Variants in AK6 observed in about 807,000 individuals in gnomAD.
AK6 encodes adenylate kinase 6.
A neutral mutation model predicts 23.7 loss-of-function variants in AK6; 24 were observed. The observed-to-expected ratio is 1.01, with a 90% CI of 0.73 to 1.43. The LOEUF (loss-of-function observed/expected upper bound fraction) is 1.43, where lower values mean the gene tolerates loss of function less well. Among genes scored for constraint, AK6 ranks in the 40% most tolerant of loss-of-function variants. The pLI is 0.00. For missense variants in AK6, 191 were observed against 199.1 expected (o/e 0.96, Z 0.24); for synonymous variants, 73 against 69.8 (o/e 1.05, Z -0.23).
chr5:69,352,897 A>G (rs1761983735), intron 4 of AK6, among the ~76,000 whole-genome samples: 1 of 152,238 alleles, frequency 6.6e-6, no homozygotes, highest in East Asian at 1.9e-4. Context: ...ATTCCTAGAT[A>G]TATAAACAAG....
In AK6 at chr5:69,366,540, T is replaced by C; in HGVS notation, c.84A>G (p.Gly28=). Residue 28 remains glycine, a synonymous_variant, in exon 2 of 5, where the codon GGA becomes GGG. Transcript: ENST00000380822. ...TLGKELASKS[G]LKYINVGDLA... Reference sequence around the variant, plus strand: ...AATCACCCACATTAATGTATTTCAGTCCTGATTTTGACGCAAGTTCTTTGC... The same window carrying C: ...AATCACCCACATTAATGTATTTCAGCCCTGATTTTGACGCAAGTTCTTTGC... 1 of 1,614,068 alleles carries C rather than the reference T, an allele frequency of 6.2e-7. No individual in the cohort carries two copies. Among genetic ancestry groups the C allele is most frequent in the South Asian group, 1.1e-5 (1 of 91,088 alleles).
chr5:69,353,739 G>A (rs971456147), intron 4 of AK6, among the ~76,000 whole-genome samples: 3 of 152,072 alleles, frequency 2.0e-5, no homozygotes, highest in Non-Finnish European at 2.9e-5. Flanking sequence ...GTGGGTGAAT[G>A]TAAACTAAAT....
intron 1 of AK6, among the ~76,000 whole-genome samples, chr5:69,367,494 G>A (rs1762495183): frequency 1.7e-5 from 2 of 119,670 alleles, no homozygotes; most frequent in Admixed American, 2.0e-4. Context: ...TGGCGACAGA[G>A]ACTCCATCTC....
intron 1 of AK6, 128 bp downstream of exon 1, chr5:69,369,335 C>T: frequency 1.9e-6 from 2 of 1,046,030 alleles, no homozygotes; most frequent in Non-Finnish European, 2.6e-6. Flanking sequence ...GCGCTGACAA[C>T]CGCCTCGTGG....
chr5:69,363,369 T>C (rs1580315171), intron 2 of AK6, among the ~76,000 whole-genome samples: 2 of 152,232 alleles, frequency 1.3e-5, no homozygotes, highest in Admixed American at 6.5e-5. Flanking sequence ...AAATGTTAAA[T>C]TGAGTGAAAG....
intron 2 of AK6, among the ~76,000 whole-genome samples, chr5:69,361,176 T>C (rs1054971821): frequency 6.6e-6 from 1 of 152,086 alleles, no homozygotes; most frequent in African/African-American, 2.4e-5. Flanking sequence ...TTTTTTGAGA[T>C]GGAGTCTCAC....
chr5:69,353,165 T>A (rs1761992748), intron 4 of AK6, among the ~76,000 whole-genome samples: 1 of 152,170 alleles, frequency 6.6e-6, no homozygotes, highest in African/African-American at 2.4e-5. Context: ...CCTGTATGAT[T>A]TCATTCATAT....
chr5:69,365,081 G>T, intron 2 of AK6: 3 of 1,614,180 alleles, frequency 1.9e-6, no homozygotes, highest in Non-Finnish European at 2.5e-6. Flanking sequence ...TTTTGGACCC[G>T]ATTAATGATG....
chr5:69,361,437 A>C (rs753767169), intron 2 of AK6, among the ~76,000 whole-genome samples: 2 of 150,530 alleles, frequency 1.3e-5, no homozygotes, highest in Admixed American at 6.6e-5. Flanking sequence ...AAGACTCTTT[A>C]ATAGTTTTCT....
At chr5:69,359,292 T>A (rs1405427637) in intron 2 of AK6, among the ~76,000 whole-genome samples, 1 of 152,014 alleles carries the variant, frequency 6.6e-6, no homozygotes, top group Non-Finnish European at 1.5e-5. Flanking sequence ...TCACCCACGC[T>A]GGAGTGCAAT....
intron 2 of AK6, chr5:69,365,287 C>A: frequency 5.0e-6 from 8 of 1,614,166 alleles, no homozygotes; most frequent in Non-Finnish European, 6.8e-6. Flanking sequence ...GTAACTGAAC[C>A]AACACTTAAC....
chr5:69,353,994 C>G (rs1365466769), intron 4 of AK6, among the ~76,000 whole-genome samples: 2 of 152,066 alleles, frequency 1.3e-5, no homozygotes, highest in African/African-American at 4.8e-5. Flanking sequence ...TGGTCTCAAA[C>G]TCCTAGGCTC....
intron 2 of AK6, among the ~76,000 whole-genome samples, chr5:69,357,040 G>T (rs1208235216): frequency 6.6e-6 from 1 of 152,168 alleles, no homozygotes; most frequent in Non-Finnish European, 1.5e-5. Context: ...ATCTCTGAGA[G>T]CATGTTATAT....
At chr5:69,368,556 C>T (rs1486007308) in intron 1 of AK6, among the ~76,000 whole-genome samples, 1 of 152,112 alleles carries the variant, frequency 6.6e-6, no homozygotes, top group Non-Finnish European at 1.5e-5. Flanking sequence ...AAATTCTAAA[C>T]GTTATTTGTG....
upstream of AK6, chr5:69,369,636 C>A: frequency 6.4e-7 from 1 of 1,564,802 alleles, no homozygotes; most frequent in African/African-American, 1.4e-5. Flanking sequence ...CCCGGCGGCC[C>A]AGCCGCGGCC....
At chr5:69,367,579 CAAGAT>C (rs1003772324) in intron 1 of AK6, among the ~76,000 whole-genome samples, 1 of 150,800 alleles carries the variant, frequency 6.6e-6, no homozygotes, top group African/African-American at 2.4e-5. Context: ...TTTTTAAAGA[CAAGAT>C]ATCTCTTTGT....
chr5:69,356,995 A>G (rs536124581), intron 2 of AK6, among the ~76,000 whole-genome samples: 1 of 152,344 alleles, frequency 6.6e-6, no homozygotes, highest in Non-Finnish European at 1.5e-5. Context: ...CTTAGGAGGT[A>G]TTAATCTAAG....
intron 2 of AK6, among the ~76,000 whole-genome samples, chr5:69,356,985 C>T (rs1011255996): frequency 5.9e-5 from 9 of 152,182 alleles, no homozygotes; most frequent in African/African-American, 1.9e-4. Flanking sequence ...AGCCCCAGCC[C>T]TTAGGAGGTA....
At chr5:69,364,191 C>CA (rs973000493) in intron 2 of AK6, among the ~76,000 whole-genome samples, 4 of 150,046 alleles carry the variant, frequency 2.7e-5, no homozygotes, top group East Asian at 1.9e-4. Context: ...TTCTTTTGGA[C>CA]AAAAAAATAT....
Sources: allele counts gnomAD v4.1 joint callset (sites outside exome capture counted in the v4.1 genomes callset), GRCh38; gene constraint gnomAD v4.1.1; transcripts MANE v1.5; gene names NCBI Gene and HGNC (gene_info 2026-07-23, HGNC 2026-07-21).